Variants in TESPA1 observed in about 807,000 individuals in gnomAD.
TESPA1 encodes the protein thymocyte expressed, positive selection associated 1.
In TESPA1, 33 loss-of-function variants were observed where a neutral mutation model predicts 57.9. The ratio of observed to expected loss-of-function variants is 0.57; its 90% confidence interval spans 0.43 to 0.76. The LOEUF (loss-of-function observed/expected upper bound fraction) is 0.76. Ranked by LOEUF, TESPA1 falls within the 30% of genes least tolerant of loss-of-function variation. The probability of loss-of-function intolerance (pLI) is 0.00; values close to 1 mark genes in which losing one functional copy is unlikely to be tolerated. For synonymous variants in TESPA1, 227 were observed against 228.9 expected (o/e 0.99, Z 0.07); for missense variants, 618 against 632.9 (o/e 0.98, Z 0.25).
At chr12:54,964,731 C>T (rs1951315539) in intron 7 of TESPA1, among the ~76,000 whole-genome samples, 1 of 152,222 alleles carries the variant, frequency 6.6e-6, no homozygotes, top group South Asian at 2.1e-4. Context: ...TAGCTAATAG[C>T]TGGACGGTCG....
Position 54,974,539 on chromosome 12 carries a change from G to A in TESPA1, c.24C>T (p.Pro8=), listed in dbSNP as rs1237683744. 1 of 1,598,288 alleles carries A rather than the reference G, an allele frequency of 6.3e-7. No individual in the cohort carries two copies. The highest frequency in any genetic ancestry group is 8.5e-7 in the Non-Finnish European group (1 of 1,172,318). Residue 8 remains proline, a synonymous_variant, in exon 2 of 11, where the codon CCC becomes CCT. Coordinates refer to ENST00000449076, the MANE Select transcript of TESPA1 (RefSeq NM_001136030.3). MEASVLS[P]TSWEKRRAWL... is the part of the protein sequence containing the mutation. ...AGGCCCGCCGTTTCTCCCAGGATGTGGGGCTCAGCACAGAGGCCTCCATGG... is the reference window on the plus strand; with the variant it reads ...AGGCCCGCCGTTTCTCCCAGGATGTAGGGCTCAGCACAGAGGCCTCCATGG...
chr12:54,961,795 A>C (rs1331588059), intron 9 of TESPA1, among the ~76,000 whole-genome samples: 1 of 152,182 alleles, frequency 6.6e-6, no homozygotes, highest in East Asian at 1.9e-4. Flanking sequence ...TGACCTCTCC[A>C]GTAGTGTATG....
chr12:54,967,878 CCTT>C lies in TESPA1; in HGVS notation c.218_220del (p.Glu73del). The C allele has an allele frequency of 1.2e-6, 2 of 1,613,678 alleles. No homozygotes were observed. Among genetic ancestry groups the C allele is most frequent in the Non-Finnish European group, 1.7e-6 (2 of 1,179,716 alleles). Reference sequence around the variant, plus strand: ...AAACTGTCCTGCTTCCTCAGAAAATCCTTCTTCAGAGTATCTAAACCAAAAACA... The same window carrying C: ...AAACTGTCCTGCTTCCTCAGAAAATCCTTCAGAGTATCTAAACCAAAAACA... On this transcript the variant is annotated inframe_deletion, in exon 4 of 11. Transcript: ENST00000449076.
chr12:54,968,616 T>A (rs1951602857), intron 3 of TESPA1, among the ~76,000 whole-genome samples: 2 of 152,206 alleles, frequency 1.3e-5, no homozygotes, highest in East Asian at 3.9e-4. Context: ...TGGCTCATTG[T>A]GGCTGTTTTG....
intron 10 of TESPA1, among the ~76,000 whole-genome samples, chr12:54,953,829 T>C (rs1950558903): frequency 1.3e-5 from 2 of 152,180 alleles, no homozygotes; most frequent in African/African-American, 4.8e-5. Context: ...CTACCTTCTC[T>C]ACATCTTTGC....
intron 4 of TESPA1, among the ~76,000 whole-genome samples, 192 bp downstream of exon 4, chr12:54,967,651 G>A: frequency 6.6e-6 from 1 of 152,148 alleles, no homozygotes; most frequent in East Asian, 1.9e-4. Flanking sequence ...TGTGGGCTCT[G>A]AGCCAGCACT....
At position 54,961,179 on chromosome 12, in the gene TESPA1, T is replaced by G. The variant is rs1402787513; in HGVS notation, c.1556A>C (p.Lys519Thr). The G allele has an allele frequency of 1.2e-6, 2 of 1,613,922 alleles. No homozygotes were observed. The highest frequency in any genetic ancestry group is 4.5e-5 in the East Asian group (2 of 44,880). ...AGAGGCCCACTTACTTCACGAGTCT[T>G]TGCCAGCAAAAGTCTGGTGGTGGTG... Reference protein sequence around the residue: ...HPHHHQTFAGKDS With the variant: ...HPHHHQTFAGTDS Residue 519 changes from lysine to threonine, a missense_variant, in exon 10 of 11, where the codon AAA becomes ACA. Lys to Thr is a moderately conservative substitution (Grantham distance 78, BLOSUM62 -1). Around this residue, in one of 3 missense-constraint regions of TESPA1, gnomAD observed 409 missense variants for 420.1 expected, o/e 0.97. Transcript: ENST00000449076.
intron 2 of TESPA1, chr12:54,974,043 C>T (rs1952011592): frequency 2.3e-6 from 1 of 428,074 alleles, no homozygotes; most frequent in Non-Finnish European, 3.2e-6. Flanking sequence ...TTGTTAGTGA[C>T]AGCATTGTGG....
chr12:54,958,136 C>A (rs554784744), intron 10 of TESPA1, among the ~76,000 whole-genome samples: 1 of 152,298 alleles, frequency 6.6e-6, no homozygotes, highest in Non-Finnish European at 1.5e-5. Flanking sequence ...GTGAGAGGAA[C>A]TTGTGTTCTG....
chr12:54,973,335 CT>C (rs1485561772), intron 3 of TESPA1, 141 bp downstream of exon 3: 11 of 1,240,484 alleles, frequency 8.9e-6, no homozygotes, highest in Non-Finnish European at 1.1e-5. Flanking sequence ...CGCAACACCC[CT>C]CCAACCACCA....
chr12:54,968,043 T>G lies in TESPA1; in HGVS notation c.207-151A>C, dbSNP rs545885384. ...TATGTTGGAGAAAACAAAGACAGAG[T>G]GGTTACTTGTCTGAAAAATTCATAG... On this transcript the variant is annotated intron_variant, in intron 3 of 10. Transcript: ENST00000449076. 4 of 1,521,220 alleles carry G rather than the reference T, an allele frequency of 2.6e-6. No homozygotes were observed. In the Admixed American group the frequency reaches 7.9e-5, roughly 30 times the overall value. 94.2% of individuals were successfully genotyped at this position (1,521,220 alleles called of 1,614,324 possible).
intron 10 of TESPA1, among the ~76,000 whole-genome samples, chr12:54,954,902 G>C (rs1466325443): frequency 6.6e-6 from 1 of 152,192 alleles, no homozygotes; most frequent in East Asian, 1.9e-4. Flanking sequence ...AAATAGGAGT[G>C]CTAATATCTC....
Position 54,966,792 on chromosome 12 carries a change from A to G in TESPA1, c.311-368T>C, listed in dbSNP as rs1202434314. On this transcript the variant is annotated intron_variant, in intron 5 of 10. Coordinates refer to ENST00000449076, the MANE Select transcript of TESPA1 (RefSeq NM_001136030.3). ...GACACTGGTAGGTTGCTGTGCTTTC[A>G]TTCTTTACTGATGTCCTTCTCCTCC... 3.3e-5 allele frequency among the ~76,000 whole-genome samples: 5 copies of G among 152,260 alleles called. No individual in the cohort carries two copies. In the East Asian group the frequency reaches 9.7e-4, roughly 29 times the overall value.
rs370590552 is a variant in TESPA1, at chr12:54,969,021, G to GTGTGTGTATA, written c.207-1130_207-1129insTATACACACA. Among the ~76,000 whole-genome samples, 812 of 83,662 alleles carry GTGTGTGTATA rather than the reference G, an allele frequency of 9.7e-3. 25 individuals carry two copies. Among genetic ancestry groups the GTGTGTGTATA allele is most frequent in the African/African-American group, 0.034 (752 of 21,954 alleles). 54.9% of individuals were successfully genotyped at this position (83,662 alleles called of 152,430 possible). ...AATAAGTCACTACATATTTATATAT[G>GTGTGTGTATA]TATATATATATATATATATATATAT... On this transcript the variant is annotated intron_variant, in intron 3 of 10. Transcript: ENST00000449076.
At chr12:54,962,161 G>T (rs887701527) in intron 9 of TESPA1, among the ~76,000 whole-genome samples, 4 of 152,150 alleles carry the variant, frequency 2.6e-5, no homozygotes, top group East Asian at 3.9e-4. Context: ...ACAACAAATG[G>T]TGATGAGAGG....
intron 10 of TESPA1, among the ~76,000 whole-genome samples, chr12:54,959,311 A>C (rs1950934284): frequency 1.3e-5 from 2 of 151,780 alleles, no homozygotes; most frequent in African/African-American, 4.8e-5. Flanking sequence ...CTCTGATAAA[A>C]CCTCATCCGG....
rs540408925 is a variant in TESPA1 at position 54,981,804 on chromosome 12, C to T, written c.-46+2781G>A. On this transcript the variant is annotated intron_variant, in intron 1 of 10. Transcript: ENST00000449076. ...CTGAGTTCCAGATGCATGCTTTCTT[C>T]CTTTATATCATACAGCCTTCCTCCT... is the stretch of plus-strand genomic sequence containing the variant. 9 of 152,378 alleles carry T rather than the reference C, an allele frequency of 5.9e-5. No individual in the cohort carries two copies. In the East Asian group the frequency reaches 1.7e-3, roughly 29 times the overall value. The allele number at this position is 152,378 out of a possible 1,614,324, so 9.4% of individuals were successfully genotyped here. A position where few individuals can be genotyped will look rare whatever the true frequency, so the allele number is the denominator to read the frequency against.
intron 1 of TESPA1, among the ~76,000 whole-genome samples, chr12:54,981,290 A>G (rs1952310679): frequency 5.3e-5 from 8 of 152,104 alleles, no homozygotes. Flanking sequence ...GAAAGAAGGA[A>G]GGAAGAAGGT....
intron 10 of TESPA1, among the ~76,000 whole-genome samples, chr12:54,958,470 G>C (rs1485750629): frequency 1.3e-5 from 2 of 151,434 alleles, no homozygotes; most frequent in African/African-American, 4.9e-5. Flanking sequence ...AAAATTATAA[G>C]CTTAGGTGTA....
Sources: allele counts gnomAD v4.1 joint callset (sites outside exome capture counted in the v4.1 genomes callset), GRCh38; gene constraint gnomAD v4.1.1; regional missense constraint gnomAD v4.1.1; transcripts MANE v1.5; gene names NCBI Gene and HGNC (gene_info 2026-07-23, HGNC 2026-07-21).